The following ARK2N variants were observed in gnomAD, a reference collection of about 807,000 sequenced individuals.
ARK2N encodes protein ARK2N.
chr18:46,221,501 A>C, the ARK2N span, among the ~76,000 whole-genome samples: 1 of 149,722 alleles, frequency 6.7e-6, no homozygotes, highest in African/African-American at 2.5e-5. Context: ...TGGATGTTGC[A>C]GTGAGCCGAG....
the ARK2N span, among the ~76,000 whole-genome samples, chr18:46,203,429 G>A: frequency 6.6e-6 from 1 of 152,182 alleles, no homozygotes; most frequent in African/African-American, 2.4e-5. Context: ...ATGTCAAAAA[G>A]TGGTTACTTT....
At chr18:46,192,641 A>T in the ARK2N span, among the ~76,000 whole-genome samples, 1 of 150,656 alleles carries the variant, frequency 6.6e-6, no homozygotes, top group Non-Finnish European at 1.5e-5. Context: ...ATCTCGTCTC[A>T]CTGCATTCTC....
chr18:46,185,443 G>T, the ARK2N span, among the ~76,000 whole-genome samples: 6 of 152,268 alleles, frequency 3.9e-5, no homozygotes, highest in African/African-American at 1.4e-4. Flanking sequence ...TAATTGTTAG[G>T]TGTTAATTTT....
chr18:46,261,743 C>T, the ARK2N span, among the ~76,000 whole-genome samples: 1 of 152,208 alleles, frequency 6.6e-6, no homozygotes, highest in East Asian at 1.9e-4. Flanking sequence ...GTTCTGCCCT[C>T]TGCTCTGGCC....
At chr18:46,228,845 C>G in the ARK2N span, 252 of 398,470 alleles carry the variant, frequency 6.3e-4, 2 homozygotes, top group African/African-American at 4.6e-3. Flanking sequence ...TGCTGAGATT[C>G]TGTGGGATTC....
the ARK2N span, among the ~76,000 whole-genome samples, chr18:46,261,920 G>T: frequency 6.6e-6 from 1 of 152,166 alleles, no homozygotes; most frequent in Non-Finnish European, 1.5e-5. Context: ...GGTGGTGTAG[G>T]TAGCATTAAA....
At chr18:46,176,207 TG>T in the ARK2N span, among the ~76,000 whole-genome samples, 1 of 152,220 alleles carries the variant, frequency 6.6e-6, no homozygotes, top group Admixed American at 6.6e-5. Flanking sequence ...GTTGTTTTGT[TG>T]GGATTCCCAA....
the ARK2N span, among the ~76,000 whole-genome samples, chr18:46,236,689 T>A: frequency 6.6e-6 from 1 of 152,208 alleles, no homozygotes; most frequent in African/African-American, 2.4e-5. Flanking sequence ...CTTTGATGTT[T>A]TTGAAAGTCA....
the ARK2N span, among the ~76,000 whole-genome samples, chr18:46,212,318 T>G: frequency 6.6e-6 from 1 of 152,210 alleles, no homozygotes; most frequent in East Asian, 1.9e-4. Flanking sequence ...CATACCACAC[T>G]GTCTTCTCCT....
At chr18:46,224,948 G>A in the ARK2N span, among the ~76,000 whole-genome samples, 1 of 152,164 alleles carries the variant, frequency 6.6e-6, no homozygotes, top group Admixed American at 6.5e-5. Flanking sequence ...GTCATGCTGC[G>A]GGATCTGAAG....
chr18:46,193,751 A>G, the ARK2N span, among the ~76,000 whole-genome samples: 3 of 150,690 alleles, frequency 2.0e-5, no homozygotes, highest in Non-Finnish European at 4.4e-5. Context: ...AGTGCATGCC[A>G]ACACGCCTGG....
At chr18:46,250,642 A>G in the ARK2N span, among the ~76,000 whole-genome samples, 3 of 151,684 alleles carry the variant, frequency 2.0e-5, no homozygotes, top group Non-Finnish European at 4.4e-5. Flanking sequence ...TTTCATTTCT[A>G]TACTCTGAAA....
the ARK2N span, among the ~76,000 whole-genome samples, chr18:46,248,402 C>G: frequency 0.017 from 2,653 of 152,184 alleles, 72 homozygotes; most frequent in African/African-American, 0.06. Context: ...CAAAGGAAGA[C>G]AACAGAGTTG....
At chr18:46,184,675 T>C in the ARK2N span, among the ~76,000 whole-genome samples, 1 of 152,138 alleles carries the variant, frequency 6.6e-6, no homozygotes, top group African/African-American at 2.4e-5. Context: ...TGAGCTGTGA[T>C]TGTGCCACTA....
At chr18:46,259,330 G>A in the ARK2N span, among the ~76,000 whole-genome samples, 3 of 143,628 alleles carry the variant, frequency 2.1e-5, no homozygotes, top group African/African-American at 5.2e-5. Flanking sequence ...TGCAACCTCC[G>A]CCTCCTGGGT....
the ARK2N span, among the ~76,000 whole-genome samples, chr18:46,260,951 A>G: frequency 0.01 from 1,555 of 152,322 alleles, 28 homozygotes; most frequent in African/African-American, 0.035. Context: ...TTGACGTTAC[A>G]TTGTATGATT....
At chr18:46,232,849 T>C in the ARK2N span, 1 of 152,206 alleles carries the variant, frequency 6.6e-6, no homozygotes, top group South Asian at 2.1e-4. Context: ...GAAATTACTG[T>C]TTTTATTTTA....
At chr18:46,188,546 A>G in the ARK2N span, among the ~76,000 whole-genome samples, 8 of 151,970 alleles carry the variant, frequency 5.3e-5, no homozygotes, top group African/African-American at 1.2e-4. Context: ...AGGTCTCACT[A>G]TGTTGCCTAC....
chr18:46,206,273 AT>A, the ARK2N span, among the ~76,000 whole-genome samples: 2 of 150,068 alleles, frequency 1.3e-5, no homozygotes, highest in Non-Finnish European at 3.0e-5. Context: ...TTTTGTAGAT[AT>A]GGAGTCTCAC....
Sources: gnomAD v4.1 joint callset for allele counts (sites outside exome capture counted in the v4.1 genomes callset) on GRCh38, gnomAD v4.1.1 for gene constraint, MANE v1.5 for transcripts, NCBI Gene and HGNC (gene_info 2026-07-23, HGNC 2026-07-21) for gene names.